The following KMT2C variants were observed in gnomAD, a reference collection of about 807,000 sequenced individuals.
The protein encoded by KMT2C is histone-lysine N-methyltransferase 2C.
In KMT2C, 88 loss-of-function variants were observed where a neutral mutation model predicts 507.9. The ratio of observed to expected loss-of-function variants is 0.17; its 90% CI spans 0.15 to 0.21. KMT2C has a LOEUF of 0.21. Ranked by LOEUF, KMT2C falls within the 10% of genes least tolerant of loss-of-function variation. KMT2C has a pLI of 1.00. For missense variants in KMT2C, 4,954 were observed against 5,957.8 expected, an observed-to-expected ratio of 0.83 and a Z score of 5.55; for synonymous variants, 2,049 against 2,080.8, an observed-to-expected ratio of 0.98 and a Z score of 0.42.
At position 152,154,412 on chromosome 7, in the gene KMT2C, A is replaced by G; in HGVS notation, c.11994T>C (p.Pro3998=). The G allele has an allele frequency of 6.2e-7, 1 of 1,614,024 alleles. No homozygotes were observed. ...GAGAGGATGAGGGAACAAAACTGTC[A>G]GGAGTATCTCGATCACCACAGTGAT... is the stretch of plus-strand genomic sequence containing the variant. ...IQDHCGDRDT[P]DSFVPSSSPE... The change falls in exon 47 of 59, where the codon CCT becomes CCC. Residue 3998 remains proline (P), a synonymous_variant. Transcript: ENST00000262189.
chr7:152,163,292 T>C lies in KMT2C; in HGVS notation c.10285A>G (p.Met3429Val), dbSNP rs928790838. The C allele has an allele frequency of 6.2e-7, 1 of 1,614,054 alleles. No homozygotes were observed. The highest frequency in any genetic ancestry group is 1.7e-5 in the Admixed American group (1 of 60,000). ...VDRQRALQQRMEMEQHGMVGS... is the reference protein window; with the variant it reads ...VDRQRALQQRVEMEQHGMVGS... ...ACCATACCATGCTGCTCCATTTCCA[T>C]CCTCTGCTGCAAAGCTCTTTGTCTA... Residue 3429 changes from methionine (M) to valine (V), a missense_variant, in exon 43 of 59, where the codon ATG becomes GTG. By Grantham distance (21) the Met-to-Val change is conservative. Around this residue, in one of 29 missense-constraint regions of KMT2C, gnomAD observed 801 missense variants for 751.2 expected, o/e 1.07. Coordinates refer to ENST00000262189, the MANE Select transcript of KMT2C (RefSeq NM_170606.3).
intron 6 of KMT2C, among the ~76,000 whole-genome samples, chr7:152,281,876 G>C (rs879745220): frequency 6.6e-6 from 1 of 152,138 alleles, no homozygotes; most frequent in Non-Finnish European, 1.5e-5. Flanking sequence ...GGAAATGAAA[G>C]GAACTGAACT....
rs200902814 is a variant in KMT2C, at chr7:152,162,680, G to C, written c.10897C>G (p.Pro3633Ala). Residue 3633 changes from proline (P) to alanine (A), a missense_variant, in exon 43 of 59, where the codon CCG becomes GCG. Around this residue, in one of 29 missense-constraint regions of KMT2C, gnomAD observed 801 missense variants for 751.2 expected, o/e 1.07. Transcript: ENST00000262189. ...GTAGTTTCTGAGATGCCTGGAGTCG[G>C]TGGGGCAGTTATATCTGAATGGGGA... is the stretch of plus-strand genomic sequence containing the variant. ...STPHSDITAP[P>A]TPGISETTST... The C allele has an allele frequency of 1.9e-6, 3 of 1,614,218 alleles. No individual in the cohort carries two copies. The highest frequency in any genetic ancestry group is 2.5e-6 in the Non-Finnish European group (3 of 1,180,034).
At chr7:152,218,793 T>G (rs1242587442) in intron 23 of KMT2C, among the ~76,000 whole-genome samples, 3 of 152,134 alleles carry the variant, frequency 2.0e-5, no homozygotes, top group Non-Finnish European at 4.4e-5. Flanking sequence ...TCCACAACAC[T>G]CTTTCTTCAA....
chr7:152,189,398 A>G (rs545044498), intron 31 of KMT2C, among the ~76,000 whole-genome samples: 5 of 152,364 alleles, frequency 3.3e-5, no homozygotes, highest in African/African-American at 9.6e-5. Context: ...CAGGAGATCC[A>G]CATCACCAAT....
rs2095362790 is a variant in KMT2C at position 152,240,492 on chromosome 7, C to A, written c.2533-1666G>T. On this transcript the variant is annotated intron_variant, in intron 14 of 58. Coordinates refer to ENST00000262189, the MANE Select transcript of KMT2C (RefSeq NM_170606.3). ...TAAATGGTATTATCTACAATGAGGG[C>A]ATCTTGGAAGTTGATGCTTCCCATA... Among the ~76,000 whole-genome samples the A allele has an allele frequency of 2.6e-5, 4 of 152,162 alleles. No individual in the cohort carries two copies. The South Asian group carries it at 6.2e-4, about 24-fold the overall frequency.
chr7:152,346,944 G>C (rs946195018), intron 2 of KMT2C, among the ~76,000 whole-genome samples: 1 of 152,086 alleles, frequency 6.6e-6, no homozygotes, highest in African/African-American at 2.4e-5. Flanking sequence ...TGGCTAACAC[G>C]GTGAAACCCC....
chr7:152,149,347 G>A (rs2091419384), intron 51 of KMT2C, among the ~76,000 whole-genome samples, 195 bp from the exon 52 acceptor site: 1 of 152,208 alleles, frequency 6.6e-6, no homozygotes, highest in African/African-American at 2.4e-5. Context: ...CAGGGATAGA[G>A]AGCGGGTGAT....
intron 2 of KMT2C, among the ~76,000 whole-genome samples, chr7:152,336,635 G>C (rs1223230911): frequency 6.6e-6 from 1 of 152,122 alleles, no homozygotes. Context: ...AAACAGTCCA[G>C]GTTTGGCGAC....
At chr7:152,299,298 C>G (rs1234811352) in intron 6 of KMT2C, among the ~76,000 whole-genome samples, 1 of 151,044 alleles carries the variant, frequency 6.6e-6, no homozygotes, top group African/African-American at 2.4e-5. Flanking sequence ...AGCCTGGCAA[C>G]AGAGCGAGAC....
chr7:152,253,483 T>A (rs1179950486), intron 9 of KMT2C, among the ~76,000 whole-genome samples: 2 of 108,242 alleles, frequency 1.8e-5, no homozygotes, highest in Non-Finnish European at 3.4e-5. Context: ...GAGACCAATC[T>A]GGGCAAGAAG....
intron 14 of KMT2C, among the ~76,000 whole-genome samples, chr7:152,246,405 C>G (rs2095474128): frequency 6.6e-6 from 1 of 151,966 alleles, no homozygotes; most frequent in African/African-American, 2.4e-5. Context: ...TAGGACATGG[C>G]TCATATAAGA....
chr7:152,424,003 A>G (rs753045105), intron 1 of KMT2C, among the ~76,000 whole-genome samples: 2 of 152,222 alleles, frequency 1.3e-5, no homozygotes, highest in African/African-American at 2.4e-5. Context: ...AAAAATCTGT[A>G]TTTCAAAATA....
intron 31 of KMT2C, among the ~76,000 whole-genome samples, chr7:152,188,605 CTTTT>C (rs1217052972): frequency 2.1e-5 from 2 of 96,764 alleles, no homozygotes; most frequent in East Asian, 3.0e-4. Context: ...TGATTCTTTC[CTTTT>C]TTTTTTTTTT....
intron 1 of KMT2C, among the ~76,000 whole-genome samples, chr7:152,386,214 A>G (rs1212386386): frequency 2.7e-5 from 4 of 147,162 alleles, no homozygotes; most frequent in Non-Finnish European, 6.0e-5. Flanking sequence ...AAAAAGAAAA[A>G]AAAAAAAAAA....
At chr7:152,349,181 C>A (rs1412199406) in intron 2 of KMT2C, among the ~76,000 whole-genome samples, 1 of 152,162 alleles carries the variant, frequency 6.6e-6, no homozygotes, top group African/African-American at 2.4e-5. Flanking sequence ...CGCGGTGACT[C>A]ACGCCTGTAA....
At chr7:152,245,685 T>C (rs1240237250) in intron 14 of KMT2C, among the ~76,000 whole-genome samples, 1 of 152,184 alleles carries the variant, frequency 6.6e-6, no homozygotes, top group Non-Finnish European at 1.5e-5. Context: ...TTCGTTTAAT[T>C]TTGAAGTGAA....
chr7:152,400,046 C>T (rs1024884049), intron 1 of KMT2C, among the ~76,000 whole-genome samples: 3 of 152,218 alleles, frequency 2.0e-5, no homozygotes, highest in Non-Finnish European at 2.9e-5. Context: ...TGGGGGTTCA[C>T]GCCTGTAATC....
At chr7:152,153,048 G>T in intron 48 of KMT2C, 94 bp from the exon 49 acceptor site, 1 of 1,408,900 alleles carries the variant, frequency 7.1e-7, no homozygotes, top group Non-Finnish European at 9.6e-7. Context: ...CTCTTTGCAT[G>T]ATACATAGAT....
Sources: gnomAD v4.1 joint callset for allele counts (sites outside exome capture counted in the v4.1 genomes callset) on GRCh38, gnomAD v4.1.1 for gene constraint, gnomAD v4.1.1 regional missense constraint, MANE v1.5 for transcripts, NCBI Gene and HGNC (gene_info 2026-07-23, HGNC 2026-07-21) for gene names.